The following WIPI2 variants were observed in gnomAD, a reference collection of about 807,000 sequenced individuals.
WIPI2 encodes WD repeat domain, phosphoinositide interacting 2, also known as WD repeat domain phosphoinositide-interacting protein 2.
WIPI2 carries 28 observed loss-of-function variants against 52.3 expected under a neutral mutation model. That is an observed-to-expected ratio of 0.54 (90% confidence interval 0.40 to 0.73). WIPI2 has a LOEUF of 0.73. WIPI2 is among the 30% of genes least tolerant of loss of function. The pLI, the probability that WIPI2 is intolerant of heterozygous loss-of-function variation, is 0.00. For missense variants in WIPI2, 506 were observed against 602.9 expected (o/e 0.84, Z 1.68); for synonymous variants, 268 against 245.0 (o/e 1.09, Z -0.88).
chr7:5,207,652 G>A (rs1782358794), intron 3 of WIPI2, among the ~76,000 whole-genome samples: 1 of 152,004 alleles, frequency 6.6e-6, no homozygotes, highest in South Asian at 2.1e-4. Context: ...GGAATTGTTG[G>A]CTAGATATGT....
chr7:5,200,427 C>G lies in WIPI2; in HGVS notation c.211+769C>G, dbSNP rs190799393. On this transcript the variant is annotated intron_variant, in intron 3 of 12. Coordinates refer to ENST00000288828, the MANE Select transcript of WIPI2 (RefSeq NM_015610.4). ...CCTTGCATCCTTTACCCTGTTCTTC[C>G]CAGTGTAACATCTCGCAAAGCCCCA... is the stretch of plus-strand genomic sequence containing the variant. Among the ~76,000 whole-genome samples, 75 of 152,248 alleles carry G rather than the reference C, an allele frequency of 4.9e-4. No homozygotes were observed. In the East Asian group the frequency reaches 7.9e-3, roughly 16 times the overall value.
chr7:5,197,110 TCAAAAAAC>T (rs1781777054), intron 2 of WIPI2, among the ~76,000 whole-genome samples: 2 of 16,896 alleles, frequency 1.2e-4, no homozygotes, highest in South Asian at 2.8e-3. Flanking sequence ...GGACTCCGTC[TCAAAAAAC>T]AAAAAAAAAA....
chr7:5,215,704 A>G (rs1562398700), intron 4 of WIPI2, among the ~76,000 whole-genome samples: 1 of 152,242 alleles, frequency 6.6e-6, no homozygotes, highest in African/African-American at 2.4e-5. Flanking sequence ...CTGTTAACTG[A>G]CATAGTTGGT....
At chr7:5,205,689 G>C (rs1038246976) in intron 3 of WIPI2, among the ~76,000 whole-genome samples, 1 of 151,916 alleles carries the variant, frequency 6.6e-6, no homozygotes, top group Non-Finnish European at 1.5e-5. Context: ...ATTTTTTTTA[G>C]TAGAGATGGG....
chr7:5,194,702 T>C (rs886946643), intron 2 of WIPI2, among the ~76,000 whole-genome samples: 2 of 152,204 alleles, frequency 1.3e-5, no homozygotes, highest in African/African-American at 2.4e-5. Context: ...CTCAAACTCC[T>C]GGCTTCAAGT....
chr7:5,191,027 T>A (rs1040674735), intron 1 of WIPI2, among the ~76,000 whole-genome samples: 3 of 152,050 alleles, frequency 2.0e-5, no homozygotes, highest in Non-Finnish European at 4.4e-5. Context: ...TTTTGGGGTT[T>A]GTTTTGTTTT....
Position 5,190,825 on chromosome 7 carries a change from G to A in WIPI2, c.74+332G>A, listed in dbSNP as rs1057173256. Reference sequence around the variant, plus strand: ...GAACTTTGGGGCTTGACTTGTCTTGGCCGCCTGTGGAGCGCTGGGTGTGGG... The same window carrying A: ...GAACTTTGGGGCTTGACTTGTCTTGACCGCCTGTGGAGCGCTGGGTGTGGG... On this transcript the variant is annotated intron_variant, in intron 1 of 12. Transcript: ENST00000288828. 4.5e-5 allele frequency: 10 copies of A among 219,978 alleles called. No homozygotes were observed. The East Asian group carries it at 6.5e-4, about 14-fold the overall frequency. 13.6% of individuals were successfully genotyped at this position (219,978 alleles called of 1,614,324 possible). A position where few individuals can be genotyped will look rare whatever the true frequency, so the allele number is the denominator to read the frequency against.
At chr7:5,223,759 T>A (rs900009641) in intron 8 of WIPI2, among the ~76,000 whole-genome samples, 1 of 152,108 alleles carries the variant, frequency 6.6e-6, no homozygotes, top group Non-Finnish European at 1.5e-5. Context: ...CCCTGGCCCC[T>A]CGTCCCTCAC....
At chr7:5,224,346 G>C (rs1313452187) in intron 8 of WIPI2, among the ~76,000 whole-genome samples, 1 of 152,232 alleles carries the variant, frequency 6.6e-6, no homozygotes, top group Non-Finnish European at 1.5e-5. Flanking sequence ...TGCGTCTCTA[G>C]TGCCTTCCAC....
In WIPI2 at chr7:5,208,009, G is replaced by A. The variant is rs544361538; in HGVS notation, c.212-6526G>A. Among the ~76,000 whole-genome samples, 167 of 152,134 alleles carry A rather than the reference G, an allele frequency of 1.1e-3. 1 individual carries two copies. The highest frequency in any genetic ancestry group is 3.6e-3 in the African/African-American group (149 of 41,510). On this transcript the variant is annotated intron_variant, in intron 3 of 12. Coordinates refer to ENST00000288828, the MANE Select transcript of WIPI2 (RefSeq NM_015610.4). ...TGAGACTCCTGACCTCAGGCGATCC[G>A]GCCATCTCGACCTCCCAAAGTGCTG...
chr7:5,196,400 G>A (rs1378941244), intron 2 of WIPI2, among the ~76,000 whole-genome samples: 1 of 151,996 alleles, frequency 6.6e-6, no homozygotes, highest in Non-Finnish European at 1.5e-5. Context: ...CTCATACTAT[G>A]GTATATATAT....
intron 3 of WIPI2, among the ~76,000 whole-genome samples, chr7:5,205,320 G>C (rs1478861443): frequency 6.6e-6 from 1 of 152,194 alleles, no homozygotes; most frequent in Non-Finnish European, 1.5e-5. Context: ...GTTCACTCCA[G>C]AGTGATTGGT....
At chr7:5,199,725 C>G in intron 3 of WIPI2, 67 bp downstream of exon 3, 1 of 1,450,878 alleles carries the variant, frequency 6.9e-7, no homozygotes, top group East Asian at 2.3e-5. Flanking sequence ...AATTGGAATG[C>G]GATCTAAAAT....
rs1239204826 is a variant in WIPI2, at chr7:5,227,986, G to A, written c.1014-118G>A. Reference sequence around the variant, plus strand: ...AGTGGGGCGCCAGACACCTGCAGCTGCCCTTGTGCTCATCTTGCTGGGGTC... The same window carrying A: ...AGTGGGGCGCCAGACACCTGCAGCTACCCTTGTGCTCATCTTGCTGGGGTC... On this transcript the variant is annotated intron_variant, in intron 10 of 12. Transcript: ENST00000288828. This position sits in a 1 kb window ranked among gnomAD's most constrained non-coding sequence, Gnocchi z 8.1. The A allele has an allele frequency of 6.6e-6, 6 of 905,370 alleles. No homozygotes were observed. The highest frequency in any genetic ancestry group is 1.1e-5 in the Non-Finnish European group (6 of 565,824). The allele number at this position is 905,370 out of a possible 1,614,324, so 56.1% of individuals were successfully genotyped here.
chr7:5,217,604 C>G (rs753598561), intron 6 of WIPI2: 3 of 425,648 alleles, frequency 7.0e-6, no homozygotes, highest in South Asian at 2.2e-5. Flanking sequence ...CCCCACTGCT[C>G]TCTTCTCAGT....
intron 3 of WIPI2, among the ~76,000 whole-genome samples, chr7:5,212,794 A>G (rs1782621087): frequency 6.6e-6 from 1 of 152,256 alleles, no homozygotes; most frequent in Non-Finnish European, 1.5e-5. Context: ...CGGGGATTAC[A>G]GGTGCGAAGC....
chr7:5,193,969 TAGG>T (rs1781615145), intron 2 of WIPI2, among the ~76,000 whole-genome samples: 1 of 152,192 alleles, frequency 6.6e-6, no homozygotes, highest in South Asian at 2.1e-4. Flanking sequence ...GGGGGTGACT[TAGG>T]AGGATATCAT....
chr7:5,196,167 C>A (rs1158269974), intron 2 of WIPI2, among the ~76,000 whole-genome samples: 1 of 151,932 alleles, frequency 6.6e-6, no homozygotes, highest in Admixed American at 6.6e-5. Flanking sequence ...TGGTGAAACC[C>A]CATCTCTACT....
intron 3 of WIPI2, among the ~76,000 whole-genome samples, chr7:5,213,843 G>A (rs1277802430): frequency 6.6e-6 from 1 of 152,184 alleles, no homozygotes; most frequent in Non-Finnish European, 1.5e-5. Context: ...CCGCCACCAC[G>A]CCTGGCTGAT....
Sources: allele counts gnomAD v4.1 joint callset (sites outside exome capture counted in the v4.1 genomes callset), GRCh38; gene constraint gnomAD v4.1.1; non-coding constraint Gnocchi (gnomAD v3.1); transcripts MANE v1.5; gene names NCBI Gene and HGNC (gene_info 2026-07-23, HGNC 2026-07-21).